CHST15: variants seen among roughly 807,000 people sequenced by gnomAD.
The protein encoded by CHST15 is carbohydrate sulfotransferase 15.
In CHST15, 30 loss-of-function variants were observed where a neutral mutation model predicts 53.6. That is an observed-to-expected ratio of 0.56 (90% CI 0.42 to 0.76). CHST15 has a LOEUF of 0.76. Among genes scored for constraint, CHST15 ranks in the 30% least tolerant of loss-of-function variants. The probability of loss-of-function intolerance (pLI) is 0.00; values close to 1 mark genes in which losing one functional copy is unlikely to be tolerated. For missense variants in CHST15, 627 were observed against 740.5 expected, an observed-to-expected ratio of 0.85 and a Z score of 1.78; for synonymous variants, 296 against 289.8, an observed-to-expected ratio of 1.02 and a Z score of -0.22.
At chr10:124,049,524 A>AT (rs1373131444) in intron 1 of CHST15, among the ~76,000 whole-genome samples, 1 of 152,196 alleles carries the variant, frequency 6.6e-6, no homozygotes, top group Non-Finnish European at 1.5e-5. Flanking sequence ...GTGGCTGATG[A>AT]TTTAACCAAT....
At chr10:124,044,084 GCGGCACAGAGCAGGGAA>G (rs1433919404) in intron 3 of CHST15, among the ~76,000 whole-genome samples, 41 of 143,184 alleles carry the variant, frequency 2.9e-4, no homozygotes, top group South Asian at 1.3e-3. Context: ...AGAGCAGGGA[GCGGCACAGAGCAGGGAA>G]CGGCACAGAG....
intron 1 of CHST15, among the ~76,000 whole-genome samples, chr10:124,063,593 C>G (rs531695002): frequency 6.6e-6 from 1 of 152,206 alleles, no homozygotes; most frequent in African/African-American, 2.4e-5. Context: ...GAATCTTTTT[C>G]TTTTCTCTTT....
In CHST15 at chr10:124,067,987, G is replaced by C. The variant is rs77249374; in HGVS notation, c.-512-21263C>G. Among the ~76,000 whole-genome samples the C allele has an allele frequency of 8.8e-3, 1,340 of 152,280 alleles. 21 individuals are homozygous for C. The highest frequency in any genetic ancestry group is 0.03 in the African/African-American group (1,265 of 41,542). The stretch of plus-strand genomic sequence containing the variant: ...AAGTTTCATTAAAGGTTGTGTCTGC[G>C]GGTGCAAAGTGAAAATGATACATTG... On this transcript the variant is annotated intron_variant, in intron 1 of 7. Transcript: ENST00000435907.
chr10:124,021,235 A>G (rs776359184), intron 6 of CHST15, 21 bp downstream of exon 6: 1 of 242,734 alleles, frequency 4.1e-6, no homozygotes. Flanking sequence ...CTCGGGGGGT[A>G]CGGGGGGGGG....
At chr10:124,061,530 G>A (rs770330491) in intron 1 of CHST15, among the ~76,000 whole-genome samples, 20 of 152,178 alleles carry the variant, frequency 1.3e-4, no homozygotes, top group Non-Finnish European at 2.5e-4. Flanking sequence ...GCGTGAAAAC[G>A]GACTAATACA....
chr10:124,008,069 C>T lies in CHST15; in HGVS notation c.*2080G>A, dbSNP rs1180300294. Reference sequence around the variant, plus strand: ...ATGGGACTGCATATATAAAAAAGATCCGCATAATAAACCAAATAATATTGG... The same window carrying T: ...ATGGGACTGCATATATAAAAAAGATTCGCATAATAAACCAAATAATATTGG... On this transcript the variant is annotated 3_prime_UTR_variant, in exon 8 of 8. Coordinates refer to ENST00000435907, the MANE Select transcript of CHST15 (RefSeq NM_001270764.2). The T allele has an allele frequency of 8.1e-7, 1 of 1,231,902 alleles. No individual in the cohort carries two copies. The highest frequency in any genetic ancestry group is 1.0e-6 in the Non-Finnish European group (1 of 987,950). 76.3% of individuals were successfully genotyped at this position (1,231,902 alleles called of 1,614,324 possible). A position where few individuals can be genotyped will look rare whatever the true frequency, so the allele number is the denominator to read the frequency against.
chr10:124,011,557 A>C, intron 7 of CHST15: 6 of 985,478 alleles, frequency 6.1e-6, no homozygotes, highest in Non-Finnish European at 7.2e-6. Flanking sequence ...TCTGGGAAGG[A>C]GGGCGGCTTG....
intron 3 of CHST15, among the ~76,000 whole-genome samples, chr10:124,043,862 C>G (rs1206469546): frequency 6.6e-6 from 1 of 151,996 alleles, no homozygotes; most frequent in East Asian, 1.9e-4. Context: ...TGGAACAGCA[C>G]ATAGCTGAGA....
intron 1 of CHST15, among the ~76,000 whole-genome samples, chr10:124,088,964 T>G (rs1235517359): frequency 1.3e-5 from 2 of 152,202 alleles, no homozygotes; most frequent in Admixed American, 6.5e-5. Context: ...TTTGTCCCAG[T>G]GCTTTATTTG....
At chr10:124,066,472 C>A (rs76400548) in intron 1 of CHST15, among the ~76,000 whole-genome samples, 4 of 150,316 alleles carry the variant, frequency 2.7e-5, no homozygotes, top group African/African-American at 9.8e-5. Context: ...AAAAAAAAAA[C>A]GAGTTTACAC....
intron 4 of CHST15, 152 bp downstream of exon 4, chr10:124,042,149 G>A: frequency 3.1e-6 from 2 of 653,154 alleles, no homozygotes; most frequent in Admixed American, 2.5e-5. Flanking sequence ...AGTGGTAAGA[G>A]TGACAGCCAG....
chr10:124,008,130 G>T lies in CHST15; in HGVS notation c.*2019C>A. ...TTCAGTAATACTTCTGTAAGAAGCA[G>T]AATTACACCACATGTTATTCACATG... On this transcript the variant is annotated 3_prime_UTR_variant, in exon 8 of 8. Coordinates refer to ENST00000435907, the MANE Select transcript of CHST15 (RefSeq NM_001270764.2). 1 of 1,231,422 alleles carries T rather than the reference G, an allele frequency of 8.1e-7. No individual in the cohort carries two copies. The highest frequency in any genetic ancestry group is 4.2e-5 in the South Asian group (1 of 23,722). 76.3% of individuals were successfully genotyped at this position (1,231,422 alleles called of 1,614,324 possible).
intron 5 of CHST15, among the ~76,000 whole-genome samples, chr10:124,022,093 C>T (rs1946810810): frequency 6.6e-6 from 1 of 152,206 alleles, no homozygotes; most frequent in South Asian, 2.1e-4. Context: ...TCTTCCTTGA[C>T]CCACTTCAGG....
At chr10:124,021,138 C>A in intron 6 of CHST15, 118 bp downstream of exon 6, 3 of 1,532,012 alleles carry the variant, frequency 2.0e-6, no homozygotes, top group South Asian at 1.2e-5. Flanking sequence ...CACATTAAAA[C>A]GCTTCTCTCT....
intron 1 of CHST15, among the ~76,000 whole-genome samples, chr10:124,055,801 AG>A (rs1948360327): frequency 6.6e-6 from 1 of 152,216 alleles, no homozygotes; most frequent in Non-Finnish European, 1.5e-5. Flanking sequence ...CCAAAGATCC[AG>A]GGTAAACCAG....
At chr10:124,042,236 C>A (rs767381608) in intron 4 of CHST15, 65 bp downstream of exon 4, 35 of 1,533,176 alleles carry the variant, frequency 2.3e-5, no homozygotes, top group Non-Finnish European at 2.8e-5. Context: ...CTGGGCTAGG[C>A]CTGGAGCCAG....
intron 6 of CHST15, chr10:124,020,940 C>T: frequency 4.3e-6 from 6 of 1,390,906 alleles, no homozygotes; most frequent in Admixed American, 6.7e-5. Context: ...AGTTGGGTGT[C>T]CTCATGTCTG....
chr10:124,056,796 C>G (rs922148977), intron 1 of CHST15, among the ~76,000 whole-genome samples: 1 of 151,672 alleles, frequency 6.6e-6, no homozygotes, highest in Non-Finnish European at 1.5e-5. Context: ...GCGGCCCAGG[C>G]CCGTACAACC....
At chr10:124,044,961 A>G in intron 2 of CHST15, 42 bp from the exon 3 acceptor site, 1 of 1,355,666 alleles carries the variant, frequency 7.4e-7, no homozygotes, top group Non-Finnish European at 9.7e-7. Flanking sequence ...GGAGGGGAAA[A>G]TGAGCAAAGA....
Sources: allele counts gnomAD v4.1 joint callset (sites outside exome capture counted in the v4.1 genomes callset), GRCh38; gene constraint gnomAD v4.1.1; transcripts MANE v1.5; gene names NCBI Gene and HGNC (gene_info 2026-07-23, HGNC 2026-07-21).